The following UNC13C variants were observed in gnomAD, a reference collection of about 807,000 sequenced individuals.
UNC13C encodes unc-13 homolog C, also known as protein unc-13 homolog C.
A neutral mutation model predicts 245.4 loss-of-function variants in UNC13C; 174 were observed. The ratio of observed to expected loss-of-function variants is 0.71; its 90% CI spans 0.63 to 0.80. The LOEUF (loss-of-function observed/expected upper bound fraction) is 0.80. UNC13C is among the 30% of genes least tolerant of loss of function. The pLI is 0.00. For synonymous variants in UNC13C, 992 were observed against 895.1 expected, an observed-to-expected ratio of 1.11 and a Z score of -1.93; for missense variants, 2,829 against 2,602.9, an observed-to-expected ratio of 1.09 and a Z score of -1.89.
At chr15:54,164,952 C>T (rs931806828) in intron 4 of UNC13C, among the ~76,000 whole-genome samples, 1 of 151,910 alleles carries the variant, frequency 6.6e-6, no homozygotes, top group Non-Finnish European at 1.5e-5. Flanking sequence ...TTAAAATATG[C>T]AAAATATAAA....
chr15:53,843,483 A>G, the UNC13C span, among the ~76,000 whole-genome samples: 1 of 150,668 alleles, frequency 6.6e-6, no homozygotes, highest in African/African-American at 2.4e-5. Context: ...TACATATATC[A>G]CTCTTTAGGG....
At chr15:54,330,022 G>A (rs2038397777) in intron 14 of UNC13C, among the ~76,000 whole-genome samples, 1 of 151,954 alleles carries the variant, frequency 6.6e-6, no homozygotes, top group Non-Finnish European at 1.5e-5. Flanking sequence ...GTGGGCAGAT[G>A]GGGTAGGATG....
intron 2 of UNC13C, among the ~76,000 whole-genome samples, chr15:54,117,595 A>G (rs1455541340): frequency 1.7e-5 from 2 of 119,890 alleles, no homozygotes; most frequent in African/African-American, 6.4e-5. Flanking sequence ...CTCTCTCTCT[A>G]TTTACAGACA....
At chr15:54,136,377 TTGTTA>T (rs889468012) in intron 2 of UNC13C, among the ~76,000 whole-genome samples, 4 of 152,088 alleles carry the variant, frequency 2.6e-5, no homozygotes, top group African/African-American at 9.7e-5. Flanking sequence ...TTCAGATAGT[TTGTTA>T]TATTAGTGTA....
intron 24 of UNC13C, among the ~76,000 whole-genome samples, chr15:54,522,810 C>G (rs1259492979): frequency 1.3e-5 from 2 of 152,080 alleles, no homozygotes; most frequent in African/African-American, 2.4e-5. Context: ...TTTTAGCCAG[C>G]CAACCAATTA....
intron 4 of UNC13C, among the ~76,000 whole-genome samples, chr15:54,227,126 G>A (rs961960925): frequency 6.6e-6 from 1 of 152,156 alleles, no homozygotes; most frequent in African/African-American, 2.4e-5. Context: ...TGGCAGAATT[G>A]TTTTCAGGAG....
At chr15:54,062,751 AG>A (rs1302303098) in intron 2 of UNC13C, among the ~76,000 whole-genome samples, 1 of 152,202 alleles carries the variant, frequency 6.6e-6, no homozygotes, top group Non-Finnish European at 1.5e-5. Flanking sequence ...GGTAGAACCC[AG>A]GAATCTGTTG....
chr15:53,945,234 G>T, the UNC13C span, among the ~76,000 whole-genome samples: 1 of 152,230 alleles, frequency 6.6e-6, no homozygotes, highest in Non-Finnish European at 1.5e-5. Context: ...CTATGCAGAA[G>T]CTCTTTAGTT....
In UNC13C at chr15:54,419,865, C is replaced by T. The variant is rs142836281; in HGVS notation, c.4933+4798C>T. 4.2e-3 allele frequency among the ~76,000 whole-genome samples: 637 copies of T among 152,206 alleles called. 7 individuals are homozygous for T. Among genetic ancestry groups the T allele is most frequent in the East Asian group, 0.014 (70 of 5,158 alleles). ...CTGTGTTGTCGTGAATACAGCTGGT[C>T]TCTCACTGTTGAGCTTGGTACTCAC... On this transcript the variant is annotated intron_variant, in intron 19 of 32. Coordinates refer to ENST00000260323, the MANE Select transcript of UNC13C (RefSeq NM_001080534.3).
intron 18 of UNC13C, among the ~76,000 whole-genome samples, chr15:54,401,172 C>T (rs1360802598): frequency 1.3e-5 from 2 of 152,034 alleles, no homozygotes; most frequent in Middle Eastern, 3.2e-3. Flanking sequence ...AGTATTTTAT[C>T]TCATTCTTTT....
chr15:54,524,030 G>A (rs1297448750), intron 24 of UNC13C, among the ~76,000 whole-genome samples: 1 of 152,128 alleles, frequency 6.6e-6, no homozygotes, highest in Admixed American at 6.5e-5. Context: ...CTTGGTTAGG[G>A]GTTAGGGAGT....
At chr15:54,422,121 T>C (rs2040657089) in intron 19 of UNC13C, among the ~76,000 whole-genome samples, 1 of 152,062 alleles carries the variant, frequency 6.6e-6, no homozygotes, top group South Asian at 2.1e-4. Context: ...CAGCAAAATA[T>C]GTTACCATTT....
At position 54,081,267 on chromosome 15, in the gene UNC13C, G is replaced by A. The variant is rs1299616540; in HGVS notation, c.2984-61751G>A. Among the ~76,000 whole-genome samples the A allele has an allele frequency of 2.0e-5, 3 of 152,004 alleles. No homozygotes were observed. The East Asian group carries it at 5.8e-4, about 29-fold the overall frequency. On this transcript the variant is annotated intron_variant, in intron 2 of 32. Coordinates refer to ENST00000260323, the MANE Select transcript of UNC13C (RefSeq NM_001080534.3). ...CAGATGATAAAATGTATATTCTTTG[G>A]TATTGAATTGAATGTTCTGTAGATG...
chr15:54,582,320 A>G (rs1795655412), intron 30 of UNC13C, among the ~76,000 whole-genome samples: 1 of 152,198 alleles, frequency 6.6e-6, no homozygotes, highest in Non-Finnish European at 1.5e-5. Context: ...AAGCTTAGAC[A>G]GGGAGCTGAT....
chr15:54,450,246 C>T (rs574275783), intron 19 of UNC13C, among the ~76,000 whole-genome samples: 52 of 152,304 alleles, frequency 3.4e-4, no homozygotes, highest in Non-Finnish European at 6.0e-4. Context: ...TCAGTCTGTC[C>T]GTTCTCAGAT....
intron 22 of UNC13C, among the ~76,000 whole-genome samples, chr15:54,501,616 T>C (rs1442339261): frequency 3.9e-5 from 6 of 152,092 alleles, no homozygotes; most frequent in African/African-American, 1.4e-4. Context: ...AAAAAATCCA[T>C]ATAATATGCA....
At chr15:54,254,657 A>C (rs1467857326) in intron 8 of UNC13C, among the ~76,000 whole-genome samples, 1 of 152,208 alleles carries the variant, frequency 6.6e-6, no homozygotes, top group East Asian at 1.9e-4. Flanking sequence ...TGAGTTCAGA[A>C]GATTTAGTGT....
intron 10 of UNC13C, among the ~76,000 whole-genome samples, chr15:54,280,582 G>GTC (rs142372612): frequency 0.015 from 2,209 of 147,064 alleles, 52 homozygotes; most frequent in African/African-American, 0.052. Flanking sequence ...AAAACCCATT[G>GTC]TCTCTCTCTC....
intron 17 of UNC13C, among the ~76,000 whole-genome samples, chr15:54,379,536 C>T (rs2039676285): frequency 6.6e-6 from 1 of 151,996 alleles, no homozygotes; most frequent in African/African-American, 2.4e-5. Context: ...TTACCTTTTA[C>T]AGTGAACTTT....
Sources: gnomAD v4.1 joint callset for allele counts (sites outside exome capture counted in the v4.1 genomes callset) on GRCh38, gnomAD v4.1.1 for gene constraint, MANE v1.5 for transcripts, NCBI Gene and HGNC (gene_info 2026-07-23, HGNC 2026-07-21) for gene names.